The following TMPRSS15 variants were observed in gnomAD, a reference collection of about 807,000 sequenced individuals.
TMPRSS15 encodes the protein enteropeptidase.
A neutral mutation model predicts 125.3 loss-of-function variants in TMPRSS15; 128 were observed. That is an observed-to-expected ratio of 1.02 (90% CI 0.89 to 1.18). The LOEUF (loss-of-function observed/expected upper bound fraction) is 1.18. TMPRSS15 is among the 50% of genes most tolerant of loss of function. The pLI, the probability that TMPRSS15 is intolerant of heterozygous loss-of-function variation, is 0.00. For missense variants in TMPRSS15, 1,283 were observed against 1,212.7 expected (o/e 1.06, Z -0.86); for synonymous variants, 446 against 423.2 (o/e 1.05, Z -0.66).
At chr21:18,474,246 T>C (rs916576735) in intron 1 of TMPRSS15, among the ~76,000 whole-genome samples, 1 of 152,012 alleles carries the variant, frequency 6.6e-6, no homozygotes, top group Non-Finnish European at 1.5e-5. Flanking sequence ...GAGAGATACA[T>C]ATAGGTAGAT....
At position 18,315,208 on chromosome 21, in the gene TMPRSS15, G is replaced by A. The variant is rs766881566; in HGVS notation, c.1970C>T (p.Pro657Leu). The A allele has an allele frequency of 6.2e-7, 1 of 1,613,744 alleles. No homozygotes were observed. The highest frequency in any genetic ancestry group is 8.5e-7 in the Non-Finnish European group (1 of 1,180,014). ...ATGACCGTCACAGAGATTCACCAGT[G>A]GAACACACTCTCCATTTTTACATTG... is the stretch of plus-strand genomic sequence containing the variant. ...HFQCKNGECV[P>L]LVNLCDGHLH... Residue 657 changes from proline to leucine, a missense_variant, in exon 17 of 25, where the codon CCA (proline) becomes CTA (leucine). Coordinates refer to ENST00000284885, the MANE Select transcript of TMPRSS15 (RefSeq NM_002772.3).
chr21:18,356,346 T>C (rs1569029781), intron 8 of TMPRSS15, among the ~76,000 whole-genome samples: 1 of 151,852 alleles, frequency 6.6e-6, no homozygotes, highest in East Asian at 1.9e-4. Flanking sequence ...GCAACTAGAG[T>C]ACCATCTTTA....
Position 18,449,771 on chromosome 21 carries a change from G to A in TMPRSS15, c.10+36028C>T, listed in dbSNP as rs544560768. Reference sequence around the variant, plus strand: ...TTTTCAGCTCTTCACAGTCATCCTTGAATCACTCTCAGACCATTTCACTAG... The same window carrying A: ...TTTTCAGCTCTTCACAGTCATCCTTAAATCACTCTCAGACCATTTCACTAG... On this transcript the variant is annotated intron_variant, in intron 1 of 7. Transcript: ENST00000422787. 7.9e-4 allele frequency among the ~76,000 whole-genome samples: 120 copies of A among 151,874 alleles called. 1 individual carries two copies. The highest frequency in any genetic ancestry group is 2.8e-3 in the African/African-American group (115 of 41,420).
chr21:18,288,509 T>C (rs2074792070), intron 21 of TMPRSS15, among the ~76,000 whole-genome samples: 1 of 150,638 alleles, frequency 6.6e-6, no homozygotes, highest in South Asian at 2.1e-4. Context: ...GTCTCTATTG[T>C]CCTAAGAAAA....
intron 21 of TMPRSS15, among the ~76,000 whole-genome samples, chr21:18,290,085 A>G (rs1834707304): frequency 6.6e-6 from 1 of 152,234 alleles, no homozygotes; most frequent in African/African-American, 2.4e-5. Context: ...GGCTTTCCAG[A>G]CTTCAGCAAA....
At chr21:18,427,216 T>A (rs1569066553) in intron 1 of TMPRSS15, among the ~76,000 whole-genome samples, 1 of 152,326 alleles carries the variant, frequency 6.6e-6, no homozygotes, top group East Asian at 1.9e-4. Flanking sequence ...AAGCATGCAG[T>A]GTTAATTGCG....
At chr21:18,370,499 T>C (rs2075782084) in intron 6 of TMPRSS15, among the ~76,000 whole-genome samples, 2 of 152,202 alleles carry the variant, frequency 1.3e-5, no homozygotes, top group Admixed American at 1.3e-4. Context: ...TGTTACCTCA[T>C]GATGGCACAC....
chr21:18,314,154 G>T (rs1329117665), intron 17 of TMPRSS15, among the ~76,000 whole-genome samples: 5 of 152,106 alleles, frequency 3.3e-5, no homozygotes, highest in African/African-American at 1.2e-4. Context: ...AGAGCTAAGA[G>T]CAGTGACTAC....
chr21:18,309,241 T>C (rs1474987060), intron 18 of TMPRSS15, among the ~76,000 whole-genome samples: 5 of 152,062 alleles, frequency 3.3e-5, no homozygotes, highest in Non-Finnish European at 7.4e-5. Context: ...TCTTACACCT[T>C]ATACAAAAAT....
At chr21:18,379,345 T>G in intron 4 of TMPRSS15, 27 bp from the exon 5 acceptor site, 1 of 1,118,182 alleles carries the variant, frequency 8.9e-7, no homozygotes, top group Non-Finnish European at 1.2e-6. Flanking sequence ...ATTAAAATAA[T>G]TATTACCTAT....
rs1315136276 is a variant in TMPRSS15 at position 18,270,228 on chromosome 21, A to AAAT, written c.2905-107_2905-105dup. ...AATTAAAAAATAAAAATTAATTAAA[A>AAAT]AATATGATTTAATTGCAAGTCATCT... is the stretch of plus-strand genomic sequence containing the variant. On this transcript the variant is annotated intron_variant, in intron 24 of 24. Transcript: ENST00000284885. The AAAT allele has an allele frequency of 4.8e-6, 5 of 1,036,226 alleles. No individual in the cohort carries two copies. In the East Asian group the frequency reaches 8.3e-5, roughly 17 times the overall value. 64.2% of individuals were successfully genotyped at this position (1,036,226 alleles called of 1,614,324 possible). A position where few individuals can be genotyped will look rare whatever the true frequency, so the allele number is the denominator to read the frequency against.
At chr21:18,412,247 T>C (rs1048509605) in intron 1 of TMPRSS15, among the ~76,000 whole-genome samples, 3 of 152,206 alleles carry the variant, frequency 2.0e-5, no homozygotes, top group Non-Finnish European at 1.5e-5. Context: ...AGAGTGAGCC[T>C]ACTTGTCAGA....
At chr21:18,466,388 A>C (rs182955180) in intron 1 of TMPRSS15, among the ~76,000 whole-genome samples, 9 of 152,196 alleles carry the variant, frequency 5.9e-5, no homozygotes, top group East Asian at 5.8e-4. Context: ...AAAGCAATGG[A>C]AACAAAAGCC....
chr21:18,352,268 G>A (rs2075577548), intron 10 of TMPRSS15, among the ~76,000 whole-genome samples: 1 of 151,832 alleles, frequency 6.6e-6, no homozygotes. Flanking sequence ...ATTTCCACCT[G>A]GCATCAATTC....
At chr21:18,473,504 C>T (rs1978819207) in intron 1 of TMPRSS15, among the ~76,000 whole-genome samples, 2 of 152,160 alleles carry the variant, frequency 1.3e-5, no homozygotes, top group Middle Eastern at 3.4e-3. Flanking sequence ...TTTCTTAGAA[C>T]AATCCTATAA....
chr21:18,459,563 T>A (rs550662207), intron 1 of TMPRSS15, among the ~76,000 whole-genome samples: 3 of 152,286 alleles, frequency 2.0e-5, no homozygotes, highest in South Asian at 4.1e-4. Context: ...CAAATGTGTC[T>A]ACTCTTAAGT....
In TMPRSS15 at chr21:18,341,493, A is replaced by AT; in HGVS notation, c.1483dup (p.Ile495AsnfsTer2). 6.2e-7 allele frequency: 1 copy of AT among 1,614,164 alleles called. No individual in the cohort carries two copies. Among genetic ancestry groups the AT allele is most frequent in the South Asian group, 1.1e-5 (1 of 91,090 alleles). On this transcript the variant is annotated frameshift_variant, in exon 13 of 25. Transcript: ENST00000284885. LOFTEE classifies it high-confidence loss of function. The stretch of plus-strand genomic sequence containing the variant: ...ATTGCAAATCCCATATGTTAGGCTA[A>AT]TGTCATCCAACGCAATATCACTCAG...
At chr21:18,317,478 A>G (rs1322287148) in intron 16 of TMPRSS15, among the ~76,000 whole-genome samples, 1 of 152,078 alleles carries the variant, frequency 6.6e-6, no homozygotes, top group Non-Finnish European at 1.5e-5. Context: ...GCTATCCAGC[A>G]AACCAAGTGT....
chr21:18,401,343 C>T (rs535688236), intron 1 of TMPRSS15, among the ~76,000 whole-genome samples: 28 of 152,192 alleles, frequency 1.8e-4, no homozygotes, highest in African/African-American at 6.0e-4. Flanking sequence ...TGCCCATCAA[C>T]GGTGTACTGG....
Sources: gnomAD v4.1 joint callset for allele counts (sites outside exome capture counted in the v4.1 genomes callset) on GRCh38, gnomAD v4.1.1 for gene constraint, MANE v1.5 for transcripts, NCBI Gene and HGNC (gene_info 2026-07-23, HGNC 2026-07-21) for gene names.